The following CAMKMT variants were observed in gnomAD, a reference collection of about 807,000 sequenced individuals.
The protein encoded by CAMKMT is calmodulin-lysine N-methyltransferase.
In CAMKMT, 53 loss-of-function variants were observed where a neutral mutation model predicts 48.0. The ratio of observed to expected loss-of-function variants is 1.10; its 90% CI spans 0.89 to 1.39. The LOEUF is 1.39. Ranked by LOEUF, CAMKMT falls within the 40% of genes most tolerant of loss-of-function variation. CAMKMT has a pLI of 0.00. For synonymous variants in CAMKMT, 165 were observed against 152.3 expected (o/e 1.08, Z -0.61); for missense variants, 428 against 402.7 (o/e 1.06, Z -0.54).
intron 3 of CAMKMT, among the ~76,000 whole-genome samples, chr2:44,619,220 T>G (rs1410915807): frequency 6.6e-6 from 1 of 152,206 alleles, no homozygotes; most frequent in Admixed American, 6.5e-5. Flanking sequence ...GAAAACACCA[T>G]TACTCAAGTC....
chr2:44,549,533 A>ATT (rs1332459647), intron 3 of CAMKMT: 1 of 693,388 alleles, frequency 1.4e-6, no homozygotes, highest in Admixed American at 2.0e-5. Flanking sequence ...TGTATATATA[A>ATT]TTTTTTTTCT....
chr2:44,587,524 G>A (rs973876242), intron 3 of CAMKMT, among the ~76,000 whole-genome samples: 4 of 128,942 alleles, frequency 3.1e-5, no homozygotes, highest in African/African-American at 8.6e-5. Context: ...CTCTGATGCC[G>A]AGCCAAAGCT....
chr2:44,766,325 A>G (rs1680839531), intron 9 of CAMKMT, 105 bp from the exon 10 acceptor site: 13 of 1,232,126 alleles, frequency 1.1e-5, no homozygotes, highest in Non-Finnish European at 1.2e-6. Context: ...AGAACAATTG[A>G]GTTTTTCTAC....
intron 3 of CAMKMT, among the ~76,000 whole-genome samples, chr2:44,696,182 A>T (rs1348892844): frequency 6.6e-6 from 1 of 152,178 alleles, no homozygotes; most frequent in Non-Finnish European, 1.5e-5. Context: ...ACCTTAAGTG[A>T]TCTGCCCGCC....
In CAMKMT at chr2:44,705,583, C is replaced by T. The variant is rs182881481; in HGVS notation, c.438-704C>T. On this transcript the variant is annotated intron_variant, in intron 4 of 10. Coordinates refer to ENST00000378494, the MANE Select transcript of CAMKMT (RefSeq NM_024766.5). ...TAGACTGTCAGCTTTAACTCTGAGC[C>T]GCTTTACTTTTGAGCTGTGAAGTCA... The T allele has an allele frequency of 2.4e-5, 23 of 966,490 alleles. No individual in the cohort carries two copies. The Admixed American group carries it at 3.7e-4, about 16-fold the overall frequency. 59.9% of individuals were successfully genotyped at this position (966,490 alleles called of 1,614,324 possible).
At chr2:44,391,451 T>C (rs1379929525) in intron 3 of CAMKMT, among the ~76,000 whole-genome samples, 1 of 152,176 alleles carries the variant, frequency 6.6e-6, no homozygotes, top group African/African-American at 2.4e-5. Flanking sequence ...GTGAATTCTC[T>C]CCCACTTAGG....
chr2:44,511,532 G>A (rs1397410114), intron 3 of CAMKMT, among the ~76,000 whole-genome samples: 4 of 151,942 alleles, frequency 2.6e-5, no homozygotes, highest in South Asian at 2.1e-4. Context: ...CAGGCAATCC[G>A]CCTGCCTCAG....
intron 3 of CAMKMT, among the ~76,000 whole-genome samples, chr2:44,672,697 A>G (rs1675401614): frequency 6.6e-6 from 1 of 152,302 alleles, no homozygotes; most frequent in South Asian, 2.1e-4. Context: ...TTTACCAGAT[A>G]TCAACCAAGC....
At chr2:44,514,223 G>A (rs1358720795) in intron 3 of CAMKMT, among the ~76,000 whole-genome samples, 4 of 152,150 alleles carry the variant, frequency 2.6e-5, no homozygotes, top group African/African-American at 7.2e-5. Flanking sequence ...ATTGTCCGGG[G>A]CTAGGACCTA....
chr2:44,703,247 C>T (rs185813418), intron 3 of CAMKMT, among the ~76,000 whole-genome samples: 2 of 152,212 alleles, frequency 1.3e-5, no homozygotes, highest in African/African-American at 4.8e-5. Context: ...TCCTACCATC[C>T]TGTGATAACA....
In CAMKMT at chr2:44,614,936, C is replaced by CTTTT. The variant is rs3083440; in HGVS notation, c.377-89326_377-89323dup. ...TCTAACCAGCTCTTTGGTCTCCTTG[C>CTTTT]TTTTTTTTTTTTTTTTTTTTTTTTG... On this transcript the variant is annotated intron_variant, in intron 3 of 10. Coordinates refer to ENST00000378494, the MANE Select transcript of CAMKMT (RefSeq NM_024766.5). 1.7e-3 allele frequency among the ~76,000 whole-genome samples: 81 copies of CTTTT among 48,986 alleles called. 25 individuals carry two copies. The highest frequency in any genetic ancestry group is 3.8e-3 in the African/African-American group (37 of 9,638). 32.1% of individuals were successfully genotyped at this position (48,986 alleles called of 152,430 possible).
rs187685860 is a variant in CAMKMT at position 44,510,158 on chromosome 2, A to G, written c.376+119853A>G. Among the ~76,000 whole-genome samples, 16 of 152,338 alleles carry G rather than the reference A, an allele frequency of 1.1e-4. No homozygotes were observed. In the East Asian group the frequency reaches 2.9e-3, roughly 28 times the overall value. On this transcript the variant is annotated intron_variant, in intron 3 of 10. Coordinates refer to ENST00000378494, the MANE Select transcript of CAMKMT (RefSeq NM_024766.5). The stretch of plus-strand genomic sequence containing the variant: ...CCAGAATTTTAGTTTTTCTATTAAT[A>G]TCCTTTTTCTGGTCCATGATCCAAT...
intron 2 of CAMKMT, among the ~76,000 whole-genome samples, chr2:44,389,247 AT>A (rs1338414658): frequency 6.6e-6 from 1 of 152,034 alleles, no homozygotes; most frequent in Non-Finnish European, 1.5e-5. Flanking sequence ...AACCAGTCAC[AT>A]TGCATTAGGG....
rs537250337 is a variant in CAMKMT at position 44,622,988 on chromosome 2, C to T, written c.377-81295C>T. On this transcript the variant is annotated intron_variant, in intron 3 of 10. Coordinates refer to ENST00000378494, the MANE Select transcript of CAMKMT (RefSeq NM_024766.5). ...AGCATTCCCTTTTCTCTGCAGCCCT[C>T]ACCAACATCTGTTATTTCTTGACTT... Among the ~76,000 whole-genome samples, 6 of 152,306 alleles carry T rather than the reference C, an allele frequency of 3.9e-5. No individual in the cohort carries two copies. The East Asian group carries it at 7.7e-4, about 20-fold the overall frequency.
At chr2:44,521,345 C>T (rs1183805407) in intron 3 of CAMKMT, among the ~76,000 whole-genome samples, 1 of 152,094 alleles carries the variant, frequency 6.6e-6, no homozygotes, top group Non-Finnish European at 1.5e-5. Context: ...GTGGCACAAT[C>T]TCCACTCACT....
chr2:44,368,807 C>T (rs1572644195), intron 1 of CAMKMT, among the ~76,000 whole-genome samples: 1 of 152,074 alleles, frequency 6.6e-6, no homozygotes, highest in Non-Finnish European at 1.5e-5. Context: ...TAAGAGTAAG[C>T]TCTGTTGAGT....
intron 3 of CAMKMT, among the ~76,000 whole-genome samples, chr2:44,499,500 G>T (rs786412): frequency 6.6e-6 from 1 of 152,076 alleles, no homozygotes; most frequent in Non-Finnish European, 1.5e-5. Flanking sequence ...CATCAGTACA[G>T]TTCTTACAAA....
intron 2 of CAMKMT, among the ~76,000 whole-genome samples, chr2:44,381,090 A>G (rs1240709540): frequency 1.3e-5 from 2 of 151,986 alleles, no homozygotes; most frequent in East Asian, 1.9e-4. Context: ...AACCCGGGAG[A>G]CAGAGGTTGC....
chr2:44,480,673 G>A (rs1668920932), intron 3 of CAMKMT, among the ~76,000 whole-genome samples: 1 of 152,098 alleles, frequency 6.6e-6, no homozygotes, highest in Admixed American at 6.5e-5. Flanking sequence ...AGATAACAAA[G>A]TAAACTAATG....
Sources: gnomAD v4.1 joint callset for allele counts (sites outside exome capture counted in the v4.1 genomes callset) on GRCh38, gnomAD v4.1.1 for gene constraint, MANE v1.5 for transcripts, NCBI Gene and HGNC (gene_info 2026-07-23, HGNC 2026-07-21) for gene names.